The following ARHGEF3 variants were observed in gnomAD, a reference collection of about 807,000 sequenced individuals.
ARHGEF3 encodes Rho guanine nucleotide exchange factor 3.
A neutral mutation model predicts 63.2 loss-of-function variants in ARHGEF3; 28 were observed. That is an observed-to-expected ratio of 0.44 (90% CI 0.33 to 0.61). ARHGEF3 has a LOEUF of 0.61. ARHGEF3 is among the 20% of genes least tolerant of loss of function. ARHGEF3 has a pLI of 0.03. For synonymous variants in ARHGEF3, 266 were observed against 254.2 expected (o/e 1.05, Z -0.44); for missense variants, 533 against 659.3 (o/e 0.81, Z 2.10).
intron 2 of ARHGEF3, among the ~76,000 whole-genome samples, chr3:56,769,680 T>C (rs2035901950): frequency 1.3e-5 from 2 of 152,244 alleles, no homozygotes; most frequent in South Asian, 4.1e-4. Flanking sequence ...CTGGGCTAAC[T>C]TGTGGTCTCC....
At chr3:56,788,873 G>C (rs187681218) in intron 1 of ARHGEF3, among the ~76,000 whole-genome samples, 36 of 152,076 alleles carry the variant, frequency 2.4e-4, no homozygotes, top group Admixed American at 5.9e-4. Flanking sequence ...CAGTATGCTT[G>C]GAACATCTTT....
intron 1 of ARHGEF3, among the ~76,000 whole-genome samples, chr3:57,069,832 A>C (rs1560177027): frequency 1.3e-5 from 2 of 152,170 alleles, no homozygotes; most frequent in Non-Finnish European, 2.9e-5. Flanking sequence ...TTTTATAGAA[A>C]TAGAGTCTCG....
rs375962403 is a variant in ARHGEF3, at chr3:56,736,645, A to G, written c.1041+540T>C. Among the ~76,000 whole-genome samples the G allele has an allele frequency of 1.6e-4, 25 of 152,372 alleles. No homozygotes were observed. In the East Asian group the frequency reaches 4.8e-3, roughly 29 times the overall value. On this transcript the variant is annotated intron_variant, in intron 8 of 9. Transcript: ENST00000296315. ...GCATTTGTTTCTCAAAGCCAAGATC[A>G]GACAAAATAAATAGCTGGCAACCCT...
chr3:56,803,536 TCACACCTGTAATCCCAA>T (rs1373244294), upstream of ARHGEF3, among the ~76,000 whole-genome samples: 1 of 152,066 alleles, frequency 6.6e-6, no homozygotes, highest in East Asian at 1.9e-4. Flanking sequence ...GTAGAGTGGC[TCACACCTGTAATCCCAA>T]CACTTTGGAA....
At chr3:56,892,640 A>G (rs1034312220) in intron 3 of ARHGEF3, among the ~76,000 whole-genome samples, 5 of 152,240 alleles carry the variant, frequency 3.3e-5, no homozygotes, top group African/African-American at 1.2e-4. Context: ...AATTTCTAGA[A>G]AACTACTCCA....
intron 1 of ARHGEF3, among the ~76,000 whole-genome samples, chr3:56,779,507 T>G (rs1417630243): frequency 6.6e-6 from 1 of 152,210 alleles, no homozygotes; most frequent in African/African-American, 2.4e-5. Context: ...TTGTTTGTTT[T>G]TTTGAGACGG....
At chr3:57,024,602 C>T (rs1288069896) in intron 2 of ARHGEF3, among the ~76,000 whole-genome samples, 8 of 152,290 alleles carry the variant, frequency 5.3e-5, no homozygotes, top group African/African-American at 1.9e-4. Flanking sequence ...ATTCTCCTGC[C>T]TCAGCCTCCC....
intron 3 of ARHGEF3, among the ~76,000 whole-genome samples, chr3:56,953,342 G>T (rs780483509): frequency 6.6e-6 from 1 of 152,180 alleles, no homozygotes; most frequent in Non-Finnish European, 1.5e-5. Flanking sequence ...TTCTATACAC[G>T]GAGAATGGAA....
chr3:56,849,322 G>C (rs1028125908), intron 4 of ARHGEF3, among the ~76,000 whole-genome samples: 1 of 152,168 alleles, frequency 6.6e-6, no homozygotes, highest in African/African-American at 2.4e-5. Flanking sequence ...ACATGTGTTT[G>C]ATGAGGTTTT....
intron 2 of ARHGEF3, among the ~76,000 whole-genome samples, chr3:56,997,891 T>C (rs1702052730): frequency 1.3e-5 from 2 of 152,182 alleles, no homozygotes; most frequent in African/African-American, 2.4e-5. Context: ...CATAAAACTT[T>C]CACAATTCCA....
chr3:56,802,385 C>T (rs1055816992), upstream of ARHGEF3, among the ~76,000 whole-genome samples: 1 of 152,138 alleles, frequency 6.6e-6, no homozygotes, highest in African/African-American at 2.4e-5. Context: ...TCTCTCTTAC[C>T]CTGTTCCCAG....
At chr3:57,061,249 A>G (rs898582373) in intron 1 of ARHGEF3, among the ~76,000 whole-genome samples, 1 of 152,104 alleles carries the variant, frequency 6.6e-6, no homozygotes, top group Non-Finnish European at 1.5e-5. Context: ...GTAGCATAAT[A>G]CTTTCATGGA....
intron 1 of ARHGEF3, among the ~76,000 whole-genome samples, chr3:56,778,060 G>A (rs1307916133): frequency 6.6e-6 from 1 of 152,182 alleles, no homozygotes; most frequent in East Asian, 1.9e-4. Flanking sequence ...AATCCACCCA[G>A]GAACCTTCTA....
intron 1 of ARHGEF3, among the ~76,000 whole-genome samples, chr3:56,782,011 G>C (rs990788661): frequency 9.9e-5 from 15 of 152,192 alleles, no homozygotes; most frequent in Non-Finnish European, 1.9e-4. Context: ...GGCCTTCATA[G>C]AGCTGCCTGA....
At chr3:56,902,313 G>C (rs1322823340) in intron 3 of ARHGEF3, among the ~76,000 whole-genome samples, 7 of 152,176 alleles carry the variant, frequency 4.6e-5, no homozygotes, top group African/African-American at 1.7e-4. Context: ...TAAGTAATGA[G>C]GATCTCATGT....
At chr3:56,761,792 G>C (rs1036193830) in intron 2 of ARHGEF3, among the ~76,000 whole-genome samples, 3 of 152,104 alleles carry the variant, frequency 2.0e-5, no homozygotes, top group African/African-American at 7.2e-5. Flanking sequence ...TTAAAACCCG[G>C]TGGTAAGGTG....
chr3:56,806,995 C>A (rs1202425230), intron 4 of ARHGEF3, among the ~76,000 whole-genome samples: 2 of 151,994 alleles, frequency 1.3e-5, no homozygotes, highest in Non-Finnish European at 2.9e-5. Context: ...GCAATTTTCC[C>A]GCCTCAGCCT....
exon 4 of ARHGEF3, chr3:56,882,342 G>C: frequency 6.4e-7 from 1 of 1,551,658 alleles, no homozygotes; most frequent in Non-Finnish European, 8.7e-7. Context: ...TGGGTGCTCT[G>C]TTTCCGTTTT....
chr3:56,898,804 C>T (rs2041402105), intron 3 of ARHGEF3, among the ~76,000 whole-genome samples: 1 of 152,132 alleles, frequency 6.6e-6, no homozygotes, highest in Admixed American at 6.5e-5. Context: ...CGCCTGTAAT[C>T]CCAGCACTTT....
Sources: gnomAD v4.1 joint callset for allele counts (sites outside exome capture counted in the v4.1 genomes callset) on GRCh38, gnomAD v4.1.1 for gene constraint, MANE v1.5 for transcripts, NCBI Gene and HGNC (gene_info 2026-07-23, HGNC 2026-07-21) for gene names.